Variants in USP9Y observed in about 807,000 individuals in gnomAD.
USP9Y encodes the protein ubiquitin carboxyl-terminal hydrolase 9Y.
A neutral mutation model predicts 53.1 loss-of-function variants in USP9Y; 41 were observed. That is an observed-to-expected ratio of 0.77 (90% confidence interval 0.60 to 1.00). The LOEUF is 1.00. USP9Y is among the 50% of genes least tolerant of loss of function. USP9Y has a pLI of 0.00. For synonymous variants in USP9Y, 220 were observed against 173.7 expected, an observed-to-expected ratio of 1.27 and a Z score of -2.09; for missense variants, 567 against 535.8, an observed-to-expected ratio of 1.06 and a Z score of -0.58.
At chrY:12,796,130 C>T in intron 27 of USP9Y, among the ~76,000 whole-genome samples, 1 of 33,476 alleles carries the variant, frequency 3.0e-5, no homozygotes, top group Non-Finnish European at 7.4e-5. Flanking sequence ...TAGCCTTAAG[C>T]CTTATTTTCT....
chrY:12,736,375 T>C, intron 9 of USP9Y, 36 bp from the exon 10 acceptor site: 8 of 375,362 alleles, frequency 2.1e-5, no homozygotes, highest in African/African-American at 6.3e-5. Flanking sequence ...ATGAAATAAA[T>C]AAGGTTATAA....
chrY:12,792,746 C>T, intron 26 of USP9Y, among the ~76,000 whole-genome samples: 1 of 33,838 alleles, frequency 3.0e-5, no homozygotes, highest in Non-Finnish European at 7.3e-5. Flanking sequence ...AATAGAACTA[C>T]TCAAAGACCC....
chrY:12,832,160 A>G (rs776190620), intron 33 of USP9Y, among the ~76,000 whole-genome samples: 33 of 33,204 alleles, frequency 9.9e-4, no homozygotes, highest in African/African-American at 3.6e-3. Context: ...TTTAATGGGT[A>G]TAATTTCAGT....
intron 7 of USP9Y, among the ~76,000 whole-genome samples, chrY:12,733,647 A>G: frequency 3.2e-5 from 1 of 31,487 alleles, no homozygotes; most frequent in Non-Finnish European, 7.7e-5. Flanking sequence ...CCTCCCGAGT[A>G]GCTGAGTTTA....
At chrY:12,833,634 A>G in intron 33 of USP9Y, 54 bp from the exon 34 acceptor site, 4 of 338,098 alleles carry the variant, frequency 1.2e-5, no homozygotes, top group Non-Finnish European at 1.7e-5. Flanking sequence ...GTTATAAAAT[A>G]TGGATATTCT....
At chrY:12,769,776 A>G in intron 15 of USP9Y, among the ~76,000 whole-genome samples, 1 of 31,518 alleles carries the variant, frequency 3.2e-5, no homozygotes, top group South Asian at 7.5e-4. Context: ...CCTTTTGAAT[A>G]AGTGTGTGTG....
intron 39 of USP9Y, among the ~76,000 whole-genome samples, chrY:12,845,017 G>A (rs942216864): frequency 2.1e-4 from 7 of 33,029 alleles, no homozygotes; most frequent in African/African-American, 8.3e-4. Context: ...GAGGTATTCA[G>A]TGTGACTTTA....
chrY:12,723,130 T>C, intron 5 of USP9Y, among the ~76,000 whole-genome samples: 1 of 30,919 alleles, frequency 3.2e-5, no homozygotes, highest in Non-Finnish European at 7.8e-5. Flanking sequence ...AGCTTTTTTT[T>C]CTTCTTAACA....
intron 33 of USP9Y, among the ~76,000 whole-genome samples, chrY:12,825,910 TTTCTTTTCTTTTCTTTTC>T (rs2053545628): frequency 8.0e-5 from 2 of 24,931 alleles, no homozygotes; most frequent in Admixed American, 8.0e-4. Context: ...TTTCTTTTCT[TTTCTTTTCTTTTCTTTTC>T]TTTTCTTTTC....
intron 3 of USP9Y, among the ~76,000 whole-genome samples, chrY:12,711,920 C>G (rs928500345): frequency 1.5e-4 from 5 of 33,685 alleles, no homozygotes; most frequent in Non-Finnish European, 3.7e-4. Context: ...GCCACTGTGA[C>G]CAGCCCTTTC....
At chrY:12,778,570 C>A in intron 20 of USP9Y, 36 bp from the exon 21 acceptor site, 1 of 393,279 alleles carries the variant, frequency 2.5e-6, no homozygotes, top group Non-Finnish European at 3.6e-6. Flanking sequence ...AAATGTTTTG[C>A]CTTGTCTTTG....
intron 24 of USP9Y, among the ~76,000 whole-genome samples, chrY:12,789,581 G>A (rs2053505470): frequency 6.0e-5 from 2 of 33,433 alleles, no homozygotes; most frequent in African/African-American, 1.2e-4. Context: ...GTAGTGAGTC[G>A]AGATTTCACC....
At chrY:12,780,285 TACA>T in intron 22 of USP9Y, among the ~76,000 whole-genome samples, 1 of 33,140 alleles carries the variant, frequency 3.0e-5, no homozygotes. Flanking sequence ...AGTAATTTCC[TACA>T]ACAATTGTTC....
At chrY:12,757,151 T>A in intron 12 of USP9Y, 41 bp from the exon 13 acceptor site, 1 of 378,012 alleles carries the variant, frequency 2.6e-6, no homozygotes, top group Admixed American at 7.6e-5. Flanking sequence ...ACAAACGTAA[T>A]AAATTATGTG....
chrY:12,782,267 A>T (rs911931667), intron 22 of USP9Y, among the ~76,000 whole-genome samples: 3 of 32,926 alleles, frequency 9.1e-5, no homozygotes, highest in African/African-American at 3.6e-4. Flanking sequence ...CCTGGCCTCA[A>T]GTGATCTGCC....
At chrY:12,713,324 C>T in intron 3 of USP9Y, among the ~76,000 whole-genome samples, 1 of 31,350 alleles carries the variant, frequency 3.2e-5, no homozygotes, top group Admixed American at 3.0e-4. Flanking sequence ...ACAAAAGCCA[C>T]TGTGCCCAGC....
In USP9Y at chrY:12,705,533, AT is replaced by A. The variant is rs2053418936; in HGVS notation, c.-120-3097del. Among the ~76,000 whole-genome samples the A allele has an allele frequency of 1.9e-4, 6 of 31,311 alleles. No homozygotes were observed. In the East Asian group the frequency reaches 5.0e-3, roughly 26 times the overall value. The allele number at this position is 31,311 out of a possible 37,273, so 84.0% of individuals were successfully genotyped here. On this transcript the variant is annotated intron_variant, in intron 1 of 45. Transcript: ENST00000338981. ...GTTGGGTAGAAAGTGAGTTAGGGAAATTTTGTACTATTATTTTGTTGCTATC... is the reference window on the plus strand; with the variant it reads ...GTTGGGTAGAAAGTGAGTTAGGGAAATTTGTACTATTATTTTGTTGCTATC...
At chrY:12,845,671 T>TA (rs2053565708) in intron 39 of USP9Y, among the ~76,000 whole-genome samples, 1 of 33,252 alleles carries the variant, frequency 3.0e-5, no homozygotes, top group Non-Finnish European at 7.4e-5. Context: ...GTTTCTGTCT[T>TA]ACTTTGTTTT....
intron 39 of USP9Y, 34 bp downstream of exon 39, chrY:12,843,227 T>C: frequency 3.1e-6 from 1 of 319,734 alleles, no homozygotes. Flanking sequence ...TAATGATTGT[T>C]TCAATTTCAA....
Sources: allele counts gnomAD v4.1 joint callset (sites outside exome capture counted in the v4.1 genomes callset), GRCh38; gene constraint gnomAD v4.1.1; transcripts MANE v1.5; gene names NCBI Gene and HGNC (gene_info 2026-07-23, HGNC 2026-07-21).